INPP4B: variants seen among roughly 807,000 people sequenced by gnomAD.
INPP4B encodes the protein inositol polyphosphate 4-phosphatase type II.
In INPP4B, 55 loss-of-function variants were observed where a neutral mutation model predicts 122.5. That is an observed-to-expected ratio of 0.45 (90% CI 0.36 to 0.56). The LOEUF (loss-of-function observed/expected upper bound fraction) is 0.56. Ranked by LOEUF, INPP4B falls within the 20% of genes least tolerant of loss-of-function variation. INPP4B has a pLI of 0.00. For missense variants in INPP4B, 1,000 were observed against 1,097.7 expected, an observed-to-expected ratio of 0.91 and a Z score of 1.26; for synonymous variants, 403 against 388.7, an observed-to-expected ratio of 1.04 and a Z score of -0.43.
intron 2 of INPP4B, among the ~76,000 whole-genome samples, chr4:142,629,590 A>C (rs1334373630): frequency 6.6e-6 from 1 of 152,014 alleles, no homozygotes; most frequent in East Asian, 1.9e-4. Context: ...ATATTTAGGC[A>C]ATGCTAGTTT....
chr4:142,339,601 G>A (rs958890358), intron 7 of INPP4B, among the ~76,000 whole-genome samples: 12 of 152,134 alleles, frequency 7.9e-5, no homozygotes, highest in East Asian at 3.8e-4. Context: ...TGGAAAGCAC[G>A]TCCCTCACAC....
intron 2 of INPP4B, among the ~76,000 whole-genome samples, chr4:142,663,350 AT>A (rs1245437193): frequency 6.6e-6 from 1 of 152,214 alleles, no homozygotes; most frequent in East Asian, 1.9e-4. Flanking sequence ...ACAGGTCTGT[AT>A]ATTGAAGGAT....
chr4:142,274,955 A>T (rs1369133616), intron 9 of INPP4B, among the ~76,000 whole-genome samples: 1 of 151,828 alleles, frequency 6.6e-6, no homozygotes, highest in Non-Finnish European at 1.5e-5. Context: ...CACAACAAAA[A>T]GATATAGAAG....
At chr4:142,098,361 AC>A (rs1782937658) in intron 23 of INPP4B, among the ~76,000 whole-genome samples, 2 of 151,942 alleles carry the variant, frequency 1.3e-5, no homozygotes, top group South Asian at 2.1e-4. Context: ...AACAACAACA[AC>A]AAAAAAAAAA....
At chr4:142,687,249 G>GTTATTTTGATTTTTTT (rs1560961226) in intron 2 of INPP4B, among the ~76,000 whole-genome samples, 1 of 152,006 alleles carries the variant, frequency 6.6e-6, no homozygotes, top group Non-Finnish European at 1.5e-5. Context: ...ACTTAGAAAG[G>GTTATTTTGATTTTTTT]TTTTTGATTA....
Position 142,208,897 on chromosome 4 carries a change from T to A in INPP4B, c.966A>T (p.Thr322=), listed in dbSNP as rs1369346110. The A allele has an allele frequency of 7.0e-6, 11 of 1,562,300 alleles. No homozygotes were observed. Among genetic ancestry groups the A allele is most frequent in the Non-Finnish European group, 4.3e-6 (5 of 1,151,144 alleles). The change falls in exon 13 of 26, where the codon ACA becomes ACT. Residue 322 remains threonine (T), a splice_region_variant and synonymous_variant. Transcript: ENST00000262992. ...QDILTELSKE[T]GSSFKSSSSK... is the part of the protein sequence containing the mutation. ...TAAGTAGAGAAATTGCTTCCACACCTGTTTCCTTGCTAAGTTCTGTCAGAA... is the reference window on the plus strand; with the variant it reads ...TAAGTAGAGAAATTGCTTCCACACCAGTTTCCTTGCTAAGTTCTGTCAGAA...
At chr4:142,634,971 G>T (rs1216465483) in intron 2 of INPP4B, among the ~76,000 whole-genome samples, 1 of 152,074 alleles carries the variant, frequency 6.6e-6, no homozygotes, top group East Asian at 1.9e-4. Flanking sequence ...TCTGACGAAG[G>T]TCTAATATCC....
intron 2 of INPP4B, among the ~76,000 whole-genome samples, chr4:142,491,784 C>G (rs1403993971): frequency 6.6e-6 from 1 of 152,216 alleles, no homozygotes; most frequent in African/African-American, 2.4e-5. Context: ...GTTAACAACA[C>G]AGTAAGATAT....
At chr4:142,256,138 G>C (rs1452304870) in intron 11 of INPP4B, among the ~76,000 whole-genome samples, 1 of 149,442 alleles carries the variant, frequency 6.7e-6, no homozygotes, top group African/African-American at 2.5e-5. Flanking sequence ...CAGAAATAAA[G>C]ATGTTCTTTG....
At chr4:142,569,880 C>G (rs1316638669) in intron 2 of INPP4B, among the ~76,000 whole-genome samples, 1 of 151,686 alleles carries the variant, frequency 6.6e-6, no homozygotes, top group Non-Finnish European at 1.5e-5. Flanking sequence ...CAAATGCCAC[C>G]TCTCATACAT....
At chr4:142,461,466 A>G (rs1317490544) in intron 3 of INPP4B, among the ~76,000 whole-genome samples, 6 of 152,212 alleles carry the variant, frequency 3.9e-5, no homozygotes, top group Non-Finnish European at 7.3e-5. Flanking sequence ...TGTTCTTGAT[A>G]CCTGAGGCTA....
chr4:142,350,936 C>A (rs1245249936), intron 7 of INPP4B, among the ~76,000 whole-genome samples: 2 of 151,768 alleles, frequency 1.3e-5, no homozygotes, highest in East Asian at 1.9e-4. Context: ...AACAGGGAGC[C>A]CAGATGGAAA....
At chr4:142,688,886 A>G (rs1217517198) in intron 2 of INPP4B, among the ~76,000 whole-genome samples, 1 of 152,194 alleles carries the variant, frequency 6.6e-6, no homozygotes, top group African/African-American at 2.4e-5. Context: ...TCTGCACTCA[A>G]TGGATCAGCT....
chr4:142,121,227 G>GT (rs35856904), intron 21 of INPP4B, among the ~76,000 whole-genome samples: 20,442 of 151,934 alleles, frequency 0.13, 1,557 homozygotes, highest in East Asian at 0.24. Context: ...GAGGATGTGG[G>GT]TTTTTTTGTG....
chr4:142,153,951 C>T (rs916641845), intron 17 of INPP4B, among the ~76,000 whole-genome samples: 1 of 152,148 alleles, frequency 6.6e-6, no homozygotes, highest in Non-Finnish European at 1.5e-5. Context: ...CTTAATCACC[C>T]TTTGTGGACC....
intron 25 of INPP4B, among the ~76,000 whole-genome samples, chr4:142,075,897 A>G (rs1216680637): frequency 6.6e-6 from 1 of 152,084 alleles, no homozygotes; most frequent in African/African-American, 2.4e-5. Flanking sequence ...GGATTTAAAA[A>G]TCTGTGTTTG....
intron 1 of INPP4B, among the ~76,000 whole-genome samples, chr4:142,747,882 G>C (rs1173926567): frequency 6.6e-6 from 1 of 150,780 alleles, no homozygotes; most frequent in Non-Finnish European, 1.5e-5. Flanking sequence ...GGGTGGGGGA[G>C]CTGGGGAAGG....
intron 5 of INPP4B, among the ~76,000 whole-genome samples, chr4:142,418,898 C>T (rs180694937): frequency 2.7e-4 from 41 of 152,220 alleles, no homozygotes; most frequent in Admixed American, 1.4e-3. Context: ...AACAGACTCA[C>T]GAGGACTTGC....
chr4:142,222,156 C>G (rs1341868158), intron 12 of INPP4B, among the ~76,000 whole-genome samples: 1 of 152,164 alleles, frequency 6.6e-6, no homozygotes, highest in African/African-American at 2.4e-5. Flanking sequence ...GACAGGGTTT[C>G]ACCATGTTAG....
Sources: allele counts gnomAD v4.1 joint callset (sites outside exome capture counted in the v4.1 genomes callset), GRCh38; gene constraint gnomAD v4.1.1; transcripts MANE v1.5; gene names NCBI Gene and HGNC (gene_info 2026-07-23, HGNC 2026-07-21).